SETD9: variants seen among roughly 807,000 people sequenced by gnomAD.
SETD9 encodes the protein SET domain-containing protein 9.
SETD9 carries 37 observed loss-of-function variants against 36.4 expected under a neutral mutation model. The ratio of observed to expected loss-of-function variants is 1.02; its 90% CI spans 0.78 to 1.34. The LOEUF (loss-of-function observed/expected upper bound fraction) is 1.34, where lower values mean the gene tolerates loss of function less well. Among genes scored for constraint, SETD9 ranks in the 40% most tolerant of loss-of-function variants. The pLI, the probability that SETD9 is intolerant of heterozygous loss-of-function variation, is 0.00. For missense variants in SETD9, 323 were observed against 353.2 expected, an observed-to-expected ratio of 0.91 and a Z score of 0.69; for synonymous variants, 128 against 132.9, an observed-to-expected ratio of 0.96 and a Z score of 0.26.
In SETD9 at chr5:56,916,921, A is replaced by G; in HGVS notation, c.*19A>G. 6.3e-7 allele frequency: 1 copy of G among 1,588,802 alleles called. No individual in the cohort carries two copies. Among genetic ancestry groups the G allele is most frequent in the Non-Finnish European group, 8.5e-7 (1 of 1,171,768 alleles). ...CAGCTAACTCTGTGAATCAGAAATT[A>G]TTAGGTTTTCTACTCAGCTATTAAT... On this transcript the variant is annotated 3_prime_UTR_variant, in exon 6 of 6. Coordinates refer to ENST00000285947, the MANE Select transcript of SETD9 (RefSeq NM_153706.4).
chr5:56,915,011 AC>A, intron 5 of SETD9, 45 bp downstream of exon 5: 1 of 1,358,558 alleles, frequency 7.4e-7, no homozygotes. Context: ...CTTATGCTGT[AC>A]TTAAAAAAAT....
chr5:56,910,262 A>G (rs975581681), intron 1 of SETD9: 2 of 1,302,668 alleles, frequency 1.5e-6, no homozygotes, highest in Non-Finnish European at 2.0e-6. Context: ...GTTTATTTTC[A>G]TAGTTCATAC....
downstream of SETD9, among the ~76,000 whole-genome samples, chr5:56,925,783 A>G (rs1188312622): frequency 6.6e-6 from 1 of 152,136 alleles, no homozygotes; most frequent in African/African-American, 2.4e-5. Context: ...TACCCAGAAT[A>G]GCCAACATAG....
chr5:56,924,678 T>C (rs1561230262), intron 5 of SETD9, among the ~76,000 whole-genome samples: 1 of 152,136 alleles, frequency 6.6e-6, no homozygotes, highest in Non-Finnish European at 1.5e-5. Flanking sequence ...ACAACAACAA[T>C]AAAATTTGAG....
downstream of SETD9, among the ~76,000 whole-genome samples, chr5:56,919,126 CTTTT>C (rs34426416): frequency 3.2e-4 from 43 of 132,538 alleles, no homozygotes; most frequent in East Asian, 4.3e-4. Context: ...TTTGGGACTT[CTTTT>C]TTTTTTTTTT....
chr5:56,923,455 G>A (rs1274740570), intron 5 of SETD9: 1 of 1,614,042 alleles, frequency 6.2e-7, no homozygotes, highest in East Asian at 2.2e-5. Flanking sequence ...TGGGCAGGGT[G>A]AGTAACTCTT....
At chr5:56,913,664 G>A (rs187069845) in intron 3 of SETD9, among the ~76,000 whole-genome samples, 7 of 152,104 alleles carry the variant, frequency 4.6e-5, no homozygotes, top group East Asian at 3.9e-4. Context: ...GATTACAGGC[G>A]TGAGCCACTG....
Position 56,911,932 on chromosome 5 carries a change from G to A in SETD9, c.466+396G>A, listed in dbSNP as rs1030931268. Among the ~76,000 whole-genome samples, 3 of 152,202 alleles carry A rather than the reference G, an allele frequency of 2.0e-5. 1 individual carries two copies. Among genetic ancestry groups the A allele is most frequent in the Admixed American group, 6.5e-5 (1 of 15,276 alleles). ...TCCCAGCACTTTGGGAGGCCGAGGC[G>A]GGCAGATCGCGAGGGGTTTGAGACC... On this transcript the variant is annotated intron_variant, in intron 2 of 5. Coordinates refer to ENST00000285947, the MANE Select transcript of SETD9 (RefSeq NM_153706.4).
At chr5:56,920,488 G>A (rs1373527397), downstream of SETD9, 1 of 152,450 alleles carries the variant, frequency 6.6e-6, no homozygotes, top group Non-Finnish European at 1.5e-5. Context: ...TTTGTTATAA[G>A]AATTGTGCTT....
intron 3 of SETD9, 107 bp from the exon 4 acceptor site, chr5:56,913,763 CTTTT>C (rs74270761): frequency 2.6e-5 from 14 of 529,302 alleles, no homozygotes; most frequent in African/African-American, 4.1e-5. Context: ...ATACTAAAGT[CTTTT>C]TTTTTTTTTT....
intron 1 of SETD9, chr5:56,910,121 C>T (rs1466565042): frequency 8.1e-7 from 1 of 1,241,238 alleles, no homozygotes; most frequent in Non-Finnish European, 1.0e-6. Flanking sequence ...TCGGCACTGA[C>T]TGGGGAGCTT....
chr5:56,921,036 T>C (rs1240663001), downstream of SETD9: 1 of 152,544 alleles, frequency 6.6e-6, no homozygotes, highest in East Asian at 1.9e-4. Context: ...ATCAAAACTT[T>C]AGATAAGAAA....
upstream of SETD9, chr5:56,909,501 A>G (rs1748974966): frequency 5.3e-6 from 3 of 570,244 alleles, no homozygotes; most frequent in Non-Finnish European, 6.0e-6. Flanking sequence ...CCAGAGCAAC[A>G]GAAGTCAGGC....
chr5:56,914,771 A>G lies in SETD9; in HGVS notation c.707-90A>G, dbSNP rs980420935. 1.2e-5 allele frequency: 10 copies of G among 802,808 alleles called. No homozygotes were observed. The South Asian group carries it at 2.8e-4, about 23-fold the overall frequency. 49.7% of individuals were successfully genotyped at this position (802,808 alleles called of 1,614,324 possible). A position where few individuals can be genotyped will look rare whatever the true frequency, so the allele number is the denominator to read the frequency against. ...TTTTGATCATGTTTTGATAATTTAG[A>G]AAAACAGACATTGAGTGTCATAATT... On this transcript the variant is annotated intron_variant, in intron 4 of 5. Coordinates refer to ENST00000285947, the MANE Select transcript of SETD9 (RefSeq NM_153706.4).
At chr5:56,926,377 T>C (rs1749981853), downstream of SETD9, among the ~76,000 whole-genome samples, 1 of 151,272 alleles carries the variant, frequency 6.6e-6, no homozygotes. Flanking sequence ...AATATACAAA[T>C]AACTCCTTAA....
chr5:56,920,976 G>A (rs936462997), downstream of SETD9: 2 of 152,440 alleles, frequency 1.3e-5, no homozygotes, highest in African/African-American at 4.8e-5. Flanking sequence ...CTGGATTTTG[G>A]TCAAAAATCT....
downstream of SETD9, among the ~76,000 whole-genome samples, chr5:56,919,126 CTTTTTTTTT>C (rs34426416): frequency 4.1e-4 from 54 of 132,542 alleles, no homozygotes; most frequent in South Asian, 8.2e-3. Flanking sequence ...TTTGGGACTT[CTTTTTTTTT>C]TTTTTTTTGA....
At chr5:56,922,966 A>G (rs1282187502) in intron 5 of SETD9, 3 of 635,550 alleles carry the variant, frequency 4.7e-6, no homozygotes. Context: ...GGATTGAAAA[A>G]TGAAAATACT....
Position 56,910,184 on chromosome 5 carries a change from A to ATCTC in SETD9, c.98+441_98+442insTCTC. ...AAAAAGACTGCCCTTACCGCGTGAG[A>ATCTC]GTGCGTGGCTTTTTCTCCACCAGGG... On this transcript the variant is annotated intron_variant, in intron 1 of 5. Transcript: ENST00000285947. The ATCTC allele has an allele frequency of 2.4e-6, 3 of 1,242,686 alleles. No homozygotes were observed. In the South Asian group the frequency reaches 4.1e-5, roughly 17 times the overall value. The allele number at this position is 1,242,686 out of a possible 1,614,324, so 77.0% of individuals were successfully genotyped here.
Sources: gnomAD v4.1 joint callset for allele counts (sites outside exome capture counted in the v4.1 genomes callset) on GRCh38, gnomAD v4.1.1 for gene constraint, MANE v1.5 for transcripts, NCBI Gene and HGNC (gene_info 2026-07-23, HGNC 2026-07-21) for gene names.